The following ZNF207 variants were observed in gnomAD, a reference collection of about 807,000 sequenced individuals.
ZNF207 encodes BUB3-interacting and GLEBS motif-containing protein ZNF207.
ZNF207 carries 24 observed loss-of-function variants against 60.2 expected under a neutral mutation model. The observed-to-expected ratio is 0.40, with a 90% CI of 0.29 to 0.56. The LOEUF is 0.56. Among genes scored for constraint, ZNF207 ranks in the 20% least tolerant of loss-of-function variants. ZNF207 has a pLI of 0.49. For synonymous variants in ZNF207, 236 were observed against 194.7 expected, an observed-to-expected ratio of 1.21 and a Z score of -1.77; for missense variants, 452 against 636.6, an observed-to-expected ratio of 0.71 and a Z score of 3.12.
chr17:32,374,212 C>CTTTTTTGTTTTTTTTTTT lies in ZNF207; in HGVS notation c.*4459_*4460insGTTTTTTTTTTTTTTTTT, dbSNP rs1905587643. 1 of 66,224 alleles carries CTTTTTTGTTTTTTTTTTT rather than the reference C, an allele frequency of 1.5e-5. No homozygotes were observed. The allele number at this position is 66,224 out of a possible 1,614,324, so 4.1% of individuals were successfully genotyped here. A position where few individuals can be genotyped will look rare whatever the true frequency, so the allele number is the denominator to read the frequency against. On this transcript the variant is annotated 3_prime_UTR_variant, in exon 12 of 12. Transcript: ENST00000394670. ...ACCGCGCCTGGCCAAAATCTGCATT[C>CTTTTTTGTTTTTTTTTTT]TTTTTTTTTTTTTTTTTTTTTTTTT...
chr17:32,359,189 C>T (rs1415544631), intron 3 of ZNF207, among the ~76,000 whole-genome samples: 3 of 151,644 alleles, frequency 2.0e-5, no homozygotes, highest in Non-Finnish European at 2.9e-5. Flanking sequence ...CTCGGCTTAC[C>T]ACAACCTCCG....
intron 2 of ZNF207, 108 bp downstream of exon 2, chr17:32,352,020 T>C (rs1418737629): frequency 3.6e-6 from 4 of 1,119,254 alleles, no homozygotes; most frequent in Admixed American, 5.7e-5. Context: ...CAAGCTGGAG[T>C]GCAGTGGTGC....
intron 2 of ZNF207, among the ~76,000 whole-genome samples, chr17:32,354,427 C>A (rs1025941091): frequency 6.6e-6 from 1 of 152,078 alleles, no homozygotes; most frequent in Non-Finnish European, 1.5e-5. Context: ...TCTTGTGCAT[C>A]AGCCTTCCAA....
intron 9 of ZNF207, among the ~76,000 whole-genome samples, chr17:32,367,314 TTG>T (rs1259435281): frequency 7.3e-6 from 1 of 136,192 alleles, no homozygotes; most frequent in Non-Finnish European, 1.6e-5. Context: ...TGTATTTTTA[TTG>T]TGTCACCATT....
intron 2 of ZNF207, among the ~76,000 whole-genome samples, chr17:32,354,053 G>A (rs980432877): frequency 2.0e-5 from 3 of 152,076 alleles, no homozygotes; most frequent in Non-Finnish European, 2.9e-5. Context: ...ATAGCTCACC[G>A]CAACTTTGAA....
rs1904968459 is a variant in ZNF207 at position 32,363,002 on chromosome 17, T to G, written c.670+18T>G. On this transcript the variant is annotated intron_variant, in intron 7 of 11. Coordinates refer to ENST00000394670, the MANE Select transcript of ZNF207 (RefSeq NM_001098507.2). ...GCCACCAGGTATATGTTAGATAATT[T>G]CATTTTAATATGATGTACAGGCTTT... 6.2e-7 allele frequency: 1 copy of G among 1,607,822 alleles called. No individual in the cohort carries two copies. Among genetic ancestry groups the G allele is most frequent in the African/African-American group, 1.3e-5 (1 of 74,760 alleles).
chr17:32,365,393 C>T lies in ZNF207; in HGVS notation c.734C>T (p.Ala245Val), dbSNP rs369906187. Residue 245 changes from alanine to valine, a missense_variant, in exon 8 of 12, where the codon GCG becomes GTG. Ala to Val is a moderately conservative substitution (Grantham distance 64, BLOSUM62 0). Coordinates refer to ENST00000394670, the MANE Select transcript of ZNF207 (RefSeq NM_001098507.2). ...ATGACTCAAGCACAGGCTGTTTCAG[C>T]GCCAGGTATTCTTAATAGACCACCT... Reference protein sequence around the residue: ...PPMTQAQAVSAPGILNRPPAP... With the variant: ...PPMTQAQAVSVPGILNRPPAP... The T allele has an allele frequency of 1.4e-5, 22 of 1,614,140 alleles. No homozygotes were observed. Among genetic ancestry groups the T allele is most frequent in the East Asian group, 4.5e-5 (2 of 44,892 alleles).
intron 6 of ZNF207, 79 bp downstream of exon 6, chr17:32,361,594 A>C: frequency 1.5e-6 from 2 of 1,343,284 alleles, no homozygotes; most frequent in Non-Finnish European, 1.0e-6. Context: ...AATGGTATCT[A>C]TTCAGTTGAC....
intron 2 of ZNF207, among the ~76,000 whole-genome samples, chr17:32,356,787 T>C (rs1464531610): frequency 7.9e-5 from 12 of 152,188 alleles, no homozygotes; most frequent in Admixed American, 7.9e-4. Flanking sequence ...TATTACATTA[T>C]TGGCAAAAGT....
At position 32,360,681 on chromosome 17, in the gene ZNF207, C is replaced by G; in HGVS notation, c.391C>G (p.Pro131Ala). ...AGCCTCAACTTCATTTCAGCCACAG[C>G]CTGTTCAACCTCAGCAAGGTTATAT... ...SAASTSFQPQ[P>A]VQPQQGYIPP... Residue 131 changes from proline to alanine, a missense_variant, in exon 4 of 12, where the codon CCT becomes GCT. Physicochemically the swap from Pro to Ala is conservative, Grantham distance 27. Around this residue, in one of 2 missense-constraint regions of ZNF207, gnomAD observed 62 missense variants for 175.3 expected, o/e 0.35. Transcript: ENST00000394670. The G allele has an allele frequency of 9.9e-6, 16 of 1,614,056 alleles. No homozygotes were observed. The highest frequency in any genetic ancestry group is 1.3e-5 in the Non-Finnish European group (15 of 1,180,018).
At chr17:32,361,056 C>T (rs562268423) in intron 5 of ZNF207, 89 bp downstream of exon 5, 1 of 1,406,116 alleles carries the variant, frequency 7.1e-7, no homozygotes, top group Non-Finnish European at 9.8e-7. Context: ...ATGTTACTTT[C>T]CATTTTTTGC....
At chr17:32,357,827 A>T (rs567751935) in intron 2 of ZNF207, among the ~76,000 whole-genome samples, 3 of 144,796 alleles carry the variant, frequency 2.1e-5, no homozygotes, top group Admixed American at 7.0e-5. Context: ...TTTTTGAGGG[A>T]CTCTCCCTCT....
In ZNF207 at chr17:32,350,177, T is replaced by G. The variant is rs776521047; in HGVS notation, c.-109T>G. ...AGGCCGTCGGCCATTTTGTGTCTGCTTCCTGTGGGACGTGGTGGTAGCCGT... is the reference window on the plus strand; with the variant it reads ...AGGCCGTCGGCCATTTTGTGTCTGCGTCCTGTGGGACGTGGTGGTAGCCGT... On this transcript the variant is annotated 5_prime_UTR_variant, in exon 1 of 12. Transcript: ENST00000394670. 1.3e-6 allele frequency: 2 copies of G among 1,542,352 alleles called. No individual in the cohort carries two copies.
chr17:32,361,374 T>TA, intron 5 of ZNF207, 94 bp from the exon 6 acceptor site: 1 of 1,039,136 alleles, frequency 9.6e-7, no homozygotes, highest in Non-Finnish European at 1.4e-6. Flanking sequence ...CACTTTTACT[T>TA]AAATATTGTT....
In ZNF207 at chr17:32,360,845, A is replaced by G. The variant is rs151197582; in HGVS notation, c.476-47A>G. 2.6e-3 allele frequency: 4,137 copies of G among 1,612,670 alleles called. 5 individuals carry two copies. The highest frequency in any genetic ancestry group is 3.2e-3 in the Non-Finnish European group (3,729 of 1,179,050). ...ATCGAAGTATTACTTTCTTCCCTCT[A>G]ACTCTTTAATATTTGTTATTATTTT... On this transcript the variant is annotated intron_variant, in intron 4 of 11. Coordinates refer to ENST00000394670, the MANE Select transcript of ZNF207 (RefSeq NM_001098507.2).
At chr17:32,357,353 T>TATTA (rs1274723282) in intron 2 of ZNF207, among the ~76,000 whole-genome samples, 8 of 88,154 alleles carry the variant, frequency 9.1e-5, no homozygotes, top group African/African-American at 1.7e-4. Flanking sequence ...TTATTATTAT[T>TATTA]TTTTTTTTTT....
At chr17:32,365,146 C>T (rs1905102705) in intron 7 of ZNF207, among the ~76,000 whole-genome samples, 184 bp from the exon 8 acceptor site, 1 of 152,198 alleles carries the variant, frequency 6.6e-6, no homozygotes, top group Non-Finnish European at 1.5e-5. Flanking sequence ...TCGTAAAATT[C>T]TGAAGCAGTA....
chr17:32,357,348 A>C (rs12949654), intron 2 of ZNF207, among the ~76,000 whole-genome samples: 2 of 77,658 alleles, frequency 2.6e-5, no homozygotes, highest in South Asian at 8.7e-4. Flanking sequence ...TATTATTATT[A>C]TTATTTTTTT....
chr17:32,362,814 A>G lies in ZNF207; in HGVS notation c.600-100A>G, dbSNP rs952109727. The stretch of plus-strand genomic sequence containing the variant: ...ATTTCAGTATTAGAGGTCAGATTCA[A>G]GTCTTCTATCTAGTGTTGTTTCAGG... On this transcript the variant is annotated intron_variant, in intron 6 of 11. Transcript: ENST00000394670. 7 of 855,882 alleles carry G rather than the reference A, an allele frequency of 8.2e-6. No individual in the cohort carries two copies. The African/African-American group carries it at 1.0e-4, about 13-fold the overall frequency. The allele number at this position is 855,882 out of a possible 1,614,324, so 53.0% of individuals were successfully genotyped here.
Sources: gnomAD v4.1 joint callset for allele counts (sites outside exome capture counted in the v4.1 genomes callset) on GRCh38, gnomAD v4.1.1 for gene constraint, gnomAD v4.1.1 regional missense constraint, MANE v1.5 for transcripts, NCBI Gene and HGNC (gene_info 2026-07-23, HGNC 2026-07-21) for gene names.